Variants in ADAMTSL1 observed in about 807,000 individuals in gnomAD.
ADAMTSL1 encodes ADAMTS-like protein 1.
In ADAMTSL1, 126 loss-of-function variants were observed where a neutral mutation model predicts 201.8. The observed-to-expected ratio is 0.62, with a 90% confidence interval of 0.54 to 0.72. ADAMTSL1 has a LOEUF of 0.72. ADAMTSL1 is among the 30% of genes least tolerant of loss of function. The probability of loss-of-function intolerance (pLI) is 0.00; values close to 1 mark genes in which losing one functional copy is unlikely to be tolerated. For synonymous variants in ADAMTSL1, 1,121 were observed against 903.4 expected (o/e 1.24, Z -4.32); for missense variants, 2,679 against 2,277.8 (o/e 1.18, Z -3.59).
rs2132251561 is a variant in ADAMTSL1 at position 18,195,800 on chromosome 9, A to C, written c.207+31819A>C. 2.0e-5 allele frequency among the ~76,000 whole-genome samples: 3 copies of C among 152,036 alleles called. No individual in the cohort carries two copies. In the East Asian group the frequency reaches 5.8e-4, roughly 29 times the overall value. ...GTTTATCTCATGGCCCTTTTAAGTG[A>C]CTTCTGTTTACTTTGCTAAAATTGT... On this transcript the variant is annotated intron_variant, in intron 2 of 29. Coordinates refer to the ADAMTSL1 transcript ENST00000680146.
chr9:18,343,687 T>A (rs115811202), intron 2 of ADAMTSL1, among the ~76,000 whole-genome samples: 1,636 of 152,240 alleles, frequency 0.011, 32 homozygotes, highest in African/African-American at 0.037. Flanking sequence ...CAGAGCTTTG[T>A]ACAGTACTGA....
At chr9:18,692,989 T>A (rs1012427262) in intron 13 of ADAMTSL1, among the ~76,000 whole-genome samples, 1 of 152,226 alleles carries the variant, frequency 6.6e-6, no homozygotes, top group South Asian at 2.1e-4. Context: ...CTGAAAGGAA[T>A]AATTTGGCTT....
intron 14 of ADAMTSL1, among the ~76,000 whole-genome samples, chr9:18,707,779 T>C (rs1049072356): frequency 1.3e-5 from 2 of 152,260 alleles, no homozygotes; most frequent in African/African-American, 4.8e-5. Flanking sequence ...CGTTAAATGT[T>C]TCCACATATA....
At position 18,378,531 on chromosome 9, in the gene ADAMTSL1, T is replaced by G. The variant is rs796714958; in HGVS notation, c.208-126298T>G. On this transcript the variant is annotated intron_variant, in intron 2 of 29. Coordinates refer to the ADAMTSL1 transcript ENST00000680146. Reference sequence around the variant, plus strand: ...GCACATCCAAACAGAAAAATGTCTTTGCTGATGTCTCTTCCATGATGCTGA... The same window carrying G: ...GCACATCCAAACAGAAAAATGTCTTGGCTGATGTCTCTTCCATGATGCTGA... 9.6e-4 allele frequency among the ~76,000 whole-genome samples: 146 copies of G among 152,332 alleles called. 1 individual carries two copies. The highest frequency in any genetic ancestry group is 3.0e-3 in the African/African-American group (123 of 41,576).
At position 18,635,933 on chromosome 9, in the gene ADAMTSL1, T is replaced by C. The variant is rs756400258; in HGVS notation, c.602-10T>C. On this transcript the variant is annotated splice_polypyrimidine_tract_variant and intron_variant, in intron 5 of 28. Transcript: ENST00000380548. ...ACATGCTTTTAAGATTTTGCTTTGT[T>C]TCTCTCTAGCGGATGATACTGTGGT... The C allele has an allele frequency of 1.9e-6, 3 of 1,592,848 alleles. No individual in the cohort carries two copies. In the South Asian group the frequency reaches 3.5e-5, roughly 19 times the overall value.
chr9:18,618,334 A>T (rs1825826728), intron 4 of ADAMTSL1, among the ~76,000 whole-genome samples: 1 of 152,124 alleles, frequency 6.6e-6, no homozygotes, highest in African/African-American at 2.4e-5. Context: ...CATTGAAACT[A>T]TTAGCAAACC....
At chr9:18,095,819 C>A (rs1454183454) in intron 1 of ADAMTSL1, among the ~76,000 whole-genome samples, 1 of 152,088 alleles carries the variant, frequency 6.6e-6, no homozygotes, top group Non-Finnish European at 1.5e-5. Context: ...TTTAAGAAGC[C>A]CTGGTTTCTT....
intron 2 of ADAMTSL1, among the ~76,000 whole-genome samples, chr9:18,346,241 C>G (rs138976314): frequency 6.6e-6 from 1 of 152,164 alleles, no homozygotes; most frequent in Non-Finnish European, 1.5e-5. Flanking sequence ...TTTGTCATCA[C>G]TTTTGCCTAT....
chr9:18,394,635 T>C (rs1370524515), intron 2 of ADAMTSL1, among the ~76,000 whole-genome samples: 1 of 152,092 alleles, frequency 6.6e-6, no homozygotes, highest in African/African-American at 2.4e-5. Context: ...TAACCTTGAG[T>C]GTAGATAAAA....
At chr9:18,906,647 G>A in intron 27 of ADAMTSL1, 45 bp from the exon 28 acceptor site, 1 of 1,456,062 alleles carries the variant, frequency 6.9e-7, no homozygotes, top group Non-Finnish European at 9.2e-7. Flanking sequence ...CCCTGATTCA[G>A]CCCCCACAGA....
At chr9:18,269,942 G>A (rs1460597682) in intron 2 of ADAMTSL1, among the ~76,000 whole-genome samples, 1 of 151,692 alleles carries the variant, frequency 6.6e-6, no homozygotes, top group Non-Finnish European at 1.5e-5. Context: ...TGAAATCTCA[G>A]GGACCAGGTC....
At chr9:18,134,675 C>A (rs566112365) in intron 1 of ADAMTSL1, among the ~76,000 whole-genome samples, 2 of 152,106 alleles carry the variant, frequency 1.3e-5, no homozygotes, top group Non-Finnish European at 2.9e-5. Flanking sequence ...GTGGTTCTTT[C>A]TTTAAAGTAA....
intron 26 of ADAMTSL1, 136 bp from the exon 27 acceptor site, chr9:18,905,646 A>T (rs1481752704): frequency 1.5e-6 from 1 of 648,840 alleles, no homozygotes; most frequent in East Asian, 2.8e-5. Flanking sequence ...GTTAGCCCAA[A>T]GAGGGGAAAG....
intron 1 of ADAMTSL1, among the ~76,000 whole-genome samples, chr9:17,933,582 AAG>A (rs1340185333): frequency 6.6e-6 from 1 of 152,156 alleles, no homozygotes; most frequent in African/African-American, 2.4e-5. Context: ...ATTTATAAAG[AAG>A]AGAGGTTTAG....
At chr9:18,646,202 G>A (rs1248465021) in intron 7 of ADAMTSL1, among the ~76,000 whole-genome samples, 2 of 151,748 alleles carry the variant, frequency 1.3e-5, no homozygotes, top group African/African-American at 2.4e-5. Flanking sequence ...TCTGTTATTG[G>A]TGTATAAGAA....
chr9:18,693,634 A>T (rs1311897805), intron 13 of ADAMTSL1, among the ~76,000 whole-genome samples: 4 of 152,378 alleles, frequency 2.6e-5, no homozygotes, highest in African/African-American at 9.6e-5. Flanking sequence ...GAATAAGCAC[A>T]GTACCAAGTC....
At chr9:18,684,852 G>C (rs1316045836) in intron 13 of ADAMTSL1, 52 bp downstream of exon 13, 3 of 1,557,624 alleles carry the variant, frequency 1.9e-6, no homozygotes, top group East Asian at 4.7e-5. Context: ...TTTGTTTAAA[G>C]AAAGCAGTGT....
intron 1 of ADAMTSL1, among the ~76,000 whole-genome samples, chr9:18,018,846 A>C (rs1302275817): frequency 3.3e-5 from 5 of 152,110 alleles, no homozygotes; most frequent in African/African-American, 1.2e-4. Flanking sequence ...ATTGCGAGGT[A>C]TCAATAGATA....
At chr9:18,874,026 C>T (rs946005643) in intron 23 of ADAMTSL1, among the ~76,000 whole-genome samples, 8 of 152,006 alleles carry the variant, frequency 5.3e-5, no homozygotes, top group South Asian at 4.2e-4. Flanking sequence ...TAGGTATATT[C>T]GTAAGTATTT....
Sources: gnomAD v4.1 joint callset for allele counts (sites outside exome capture counted in the v4.1 genomes callset) on GRCh38, gnomAD v4.1.1 for gene constraint, MANE v1.5 for transcripts, NCBI Gene and HGNC (gene_info 2026-07-23, HGNC 2026-07-21) for gene names.